ZNF385D: variants seen among roughly 807,000 people sequenced by gnomAD.
ZNF385D encodes the protein zinc finger protein 385D.
A neutral mutation model predicts 35.8 loss-of-function variants in ZNF385D; 15 were observed. That is an observed-to-expected ratio of 0.42 (90% CI 0.28 to 0.64). ZNF385D has a LOEUF of 0.64. Among genes scored for constraint, ZNF385D ranks in the 30% least tolerant of loss-of-function variants. ZNF385D has a pLI of 0.23. For missense variants in ZNF385D, 474 were observed against 494.6 expected (o/e 0.96, Z 0.39); for synonymous variants, 212 against 186.8 (o/e 1.13, Z -1.10).
intron 4 of ZNF385D, among the ~76,000 whole-genome samples, chr3:21,455,135 A>G (rs1702714011): frequency 6.6e-6 from 1 of 152,334 alleles, no homozygotes; most frequent in Admixed American, 6.5e-5. Context: ...AGGAAGAATC[A>G]ATATCGTGAA....
At chr3:21,925,024 G>A (rs1010980854) in intron 3 of ZNF385D, among the ~76,000 whole-genome samples, 1 of 152,054 alleles carries the variant, frequency 6.6e-6, no homozygotes, top group Non-Finnish European at 1.5e-5. Context: ...AATAAGTGGA[G>A]GTACATACCA....
chr3:22,096,580 AT>A (rs1345378865), intron 3 of ZNF385D, among the ~76,000 whole-genome samples: 1 of 152,018 alleles, frequency 6.6e-6, no homozygotes, highest in Non-Finnish European at 1.5e-5. Flanking sequence ...TTGAGGAGAA[AT>A]TTTATTCCTC....
At chr3:21,905,605 A>C (rs1040856290) in intron 3 of ZNF385D, among the ~76,000 whole-genome samples, 1 of 151,952 alleles carries the variant, frequency 6.6e-6, no homozygotes, top group Non-Finnish European at 1.5e-5. Flanking sequence ...ATATTATATA[A>C]AATTTGGACA....
At chr3:21,556,356 G>C (rs1266437133) in intron 3 of ZNF385D, among the ~76,000 whole-genome samples, 2 of 152,034 alleles carry the variant, frequency 1.3e-5, no homozygotes, top group East Asian at 3.9e-4. Context: ...ATGGTTTTAG[G>C]TCTTACATTT....
intron 3 of ZNF385D, among the ~76,000 whole-genome samples, chr3:21,783,556 C>G (rs888789315): frequency 2.0e-5 from 3 of 152,118 alleles, no homozygotes; most frequent in African/African-American, 4.8e-5. Context: ...ACACCTGGGA[C>G]ACTCTAACAG....
chr3:22,087,956 T>G lies in ZNF385D; in HGVS notation c.325+80861A>C, dbSNP rs532056072. On this transcript the variant is annotated intron_variant, in intron 3 of 5. Coordinates refer to the ZNF385D transcript ENST00000494108. ...CTAATTTTCTGCCAGTGTCATTTAT[T>G]TGACTGGGAAAGGTTTAGGGTTGTT... Among the ~76,000 whole-genome samples the G allele has an allele frequency of 3.3e-5, 5 of 152,314 alleles. No homozygotes were observed. The South Asian group carries it at 1.0e-3, about 32-fold the overall frequency.
Position 21,633,353 on chromosome 3 carries a change from A to G in ZNF385D, c.165+31533T>C, listed in dbSNP as rs183395474. Among the ~76,000 whole-genome samples the G allele has an allele frequency of 4.5e-3, 683 of 152,190 alleles. 2 individuals are homozygous for G. The highest frequency in any genetic ancestry group is 7.1e-3 in the Non-Finnish European group (484 of 67,974). ...AACTTTAAATTGGAGTATGTAAAAA[A>G]TATGGAAAAACAAAACAACTATACT... On this transcript the variant is annotated intron_variant, in intron 2 of 7. Coordinates refer to ENST00000281523, the MANE Select transcript of ZNF385D (RefSeq NM_024697.3).
At chr3:22,069,251 T>C (rs1374074189) in intron 3 of ZNF385D, among the ~76,000 whole-genome samples, 1 of 152,150 alleles carries the variant, frequency 6.6e-6, no homozygotes, top group Non-Finnish European at 1.5e-5. Flanking sequence ...AGGGTGATGA[T>C]GGATAATCTC....
intron 2 of ZNF385D, among the ~76,000 whole-genome samples, chr3:21,622,202 A>G (rs2065027821): frequency 6.6e-6 from 1 of 152,152 alleles, no homozygotes. Context: ...GAAAAAAGTG[A>G]TTAAGGAGGA....
intron 3 of ZNF385D, among the ~76,000 whole-genome samples, chr3:22,061,619 G>A (rs927146695): frequency 3.3e-5 from 5 of 152,114 alleles, no homozygotes; most frequent in African/African-American, 1.2e-4. Context: ...CCCATTTCTT[G>A]TCACTCTCTT....
intron 2 of ZNF385D, among the ~76,000 whole-genome samples, chr3:22,253,484 T>C (rs1008035448): frequency 3.9e-5 from 6 of 151,966 alleles, no homozygotes; most frequent in African/African-American, 7.2e-5. Context: ...TTAGAGAGTT[T>C]TCAATCAATA....
intron 2 of ZNF385D, among the ~76,000 whole-genome samples, chr3:22,203,942 T>C (rs1312148881): frequency 8.5e-5 from 13 of 152,080 alleles, no homozygotes; most frequent in Admixed American, 8.5e-4. Context: ...AGAAGTCTGG[T>C]TGGCTTCATA....
intron 3 of ZNF385D, among the ~76,000 whole-genome samples, chr3:22,099,764 C>G (rs1174295124): frequency 6.6e-6 from 1 of 151,878 alleles, no homozygotes; most frequent in Non-Finnish European, 1.5e-5. Flanking sequence ...GTGGGTACAT[C>G]CTGATTGGGG....
At chr3:21,607,851 T>C (rs143441675) in intron 2 of ZNF385D, among the ~76,000 whole-genome samples, 200 of 152,198 alleles carry the variant, frequency 1.3e-3, no homozygotes, top group African/African-American at 4.4e-3. Flanking sequence ...CCCTGATAGC[T>C]TTCTGGTCCC....
intron 3 of ZNF385D, among the ~76,000 whole-genome samples, chr3:21,760,574 T>A (rs941001859): frequency 6.6e-6 from 1 of 152,180 alleles, no homozygotes; most frequent in Admixed American, 6.5e-5. Context: ...ATCTAATCCA[T>A]CTCCAACTGA....
intron 1 of ZNF385D, among the ~76,000 whole-genome samples, chr3:21,727,019 A>G (rs2068793807): frequency 6.6e-6 from 1 of 152,184 alleles, no homozygotes; most frequent in African/African-American, 2.4e-5. Context: ...ATAAAACAAC[A>G]CATCTACAGC....
At chr3:21,605,576 T>A (rs2064454625) in intron 2 of ZNF385D, among the ~76,000 whole-genome samples, 1 of 152,166 alleles carries the variant, frequency 6.6e-6, no homozygotes, top group South Asian at 2.1e-4. Flanking sequence ...TCACACTAAC[T>A]AAAAGGGATC....
intron 3 of ZNF385D, among the ~76,000 whole-genome samples, chr3:21,957,971 T>C (rs886888554): frequency 3.9e-5 from 6 of 152,264 alleles, no homozygotes; most frequent in Admixed American, 3.9e-4. Context: ...GAAACAAATG[T>C]ATTCACATCA....
chr3:22,195,636 A>T (rs1004315604), intron 2 of ZNF385D, among the ~76,000 whole-genome samples: 1 of 152,120 alleles, frequency 6.6e-6, no homozygotes, highest in African/African-American at 2.4e-5. Context: ...AAAAATGACT[A>T]TACTTTTTAC....
Sources: allele counts gnomAD v4.1 joint callset (sites outside exome capture counted in the v4.1 genomes callset), GRCh38; gene constraint gnomAD v4.1.1; transcripts MANE v1.5; gene names NCBI Gene and HGNC (gene_info 2026-07-23, HGNC 2026-07-21).